Variants in GPBP1 observed in about 807,000 individuals in gnomAD.
The protein encoded by GPBP1 is GC-rich promoter binding protein 1.
In GPBP1, 13 loss-of-function variants were observed where a neutral mutation model predicts 56.5. The observed-to-expected ratio is 0.23, with a 90% CI of 0.15 to 0.37. The LOEUF (loss-of-function observed/expected upper bound fraction) is 0.37, where lower values mean the gene tolerates loss of function less well. Among genes scored for constraint, GPBP1 ranks in the 10% least tolerant of loss-of-function variants. The probability of loss-of-function intolerance (pLI) is 1.00; values close to 1 mark genes in which losing one functional copy is unlikely to be tolerated. For missense variants in GPBP1, 477 were observed against 572.3 expected (o/e 0.83, Z 1.70); for synonymous variants, 204 against 188.9 (o/e 1.08, Z -0.66).
Position 57,200,903 on chromosome 5 carries a change from T to C in GPBP1, c.-57-13171T>C, listed in dbSNP as rs113957188. ...CCGTGTTAGCCAGGATGGTCTTGAT[T>C]TGCTGACCTCGTGATTCGCCCACCT... On this transcript the variant is annotated intron_variant, in intron 2 of 11. Coordinates refer to ENST00000506184, the MANE Select transcript of GPBP1 (RefSeq NM_022913.4). Among the ~76,000 whole-genome samples, 1,328 of 151,198 alleles carry C rather than the reference T, an allele frequency of 8.8e-3. 23 individuals are homozygous for C. The highest frequency in any genetic ancestry group is 0.031 in the African/African-American group (1,272 of 41,174).
At chr5:57,198,492 G>A (rs1478231721) in intron 2 of GPBP1, among the ~76,000 whole-genome samples, 1 of 151,834 alleles carries the variant, frequency 6.6e-6, no homozygotes, top group Non-Finnish European at 1.5e-5. Context: ...TGTGTAAATC[G>A]AGTATTTTTA....
intron 2 of GPBP1, among the ~76,000 whole-genome samples, chr5:57,209,152 T>C (rs1755368423): frequency 6.6e-6 from 1 of 152,196 alleles, no homozygotes; most frequent in African/African-American, 2.4e-5. Flanking sequence ...ACAGCTGTTT[T>C]TGTGTGTTGA....
chr5:57,211,499 A>C (rs1183603019), intron 2 of GPBP1, among the ~76,000 whole-genome samples: 1 of 151,730 alleles, frequency 6.6e-6, no homozygotes, highest in East Asian at 1.9e-4. Context: ...ATACTTTAAG[A>C]ACTAGATTTA....
At position 57,177,948 on chromosome 5, in the gene GPBP1, T is replaced by C. The variant is rs563935097; in HGVS notation, c.-58+1548T>C. Reference sequence around the variant, plus strand: ...AGTGGTAGTAAATGTAAAATAGAGTTTTTTTTCTCTGAAATTGATATTAGA... The same window carrying C: ...AGTGGTAGTAAATGTAAAATAGAGTCTTTTTTCTCTGAAATTGATATTAGA... On this transcript the variant is annotated intron_variant, in intron 2 of 11. Coordinates refer to ENST00000506184, the MANE Select transcript of GPBP1 (RefSeq NM_022913.4). 3.8e-4 allele frequency among the ~76,000 whole-genome samples: 58 copies of C among 152,194 alleles called. 1 individual carries two copies. The highest frequency in any genetic ancestry group is 3.6e-3 in the Admixed American group (55 of 15,276).
chr5:57,247,126 C>G lies in GPBP1; in HGVS notation c.715C>G (p.Pro239Ala). ...TKENKVGTSF[P>A]HESTFGVGNF... is the part of the protein sequence containing the mutation. Reference sequence around the variant, plus strand: ...AGAAAATAAAGTTGGAACTTCTTTCCCTCATGAGTCCACATTTGGCGTTGG... The same window carrying G: ...AGAAAATAAAGTTGGAACTTCTTTCGCTCATGAGTCCACATTTGGCGTTGG... The change falls in exon 8 of 12, where the codon CCT becomes GCT. Residue 239 changes from proline (P) to alanine (A), a missense_variant. Pro to Ala is a conservative substitution (Grantham distance 27). Transcript: ENST00000506184. 6.2e-7 allele frequency: 1 copy of G among 1,613,546 alleles called. No individual in the cohort carries two copies. Among genetic ancestry groups the G allele is most frequent in the Non-Finnish European group, 8.5e-7 (1 of 1,179,672 alleles).
intron 2 of GPBP1, among the ~76,000 whole-genome samples, chr5:57,187,230 T>G (rs955900869): frequency 2.6e-5 from 4 of 152,210 alleles, no homozygotes; most frequent in African/African-American, 9.7e-5. Context: ...TAACGTCATC[T>G]TGAATTCGTA....
At chr5:57,206,553 G>C (rs948824867) in intron 2 of GPBP1, among the ~76,000 whole-genome samples, 1 of 151,920 alleles carries the variant, frequency 6.6e-6, no homozygotes, top group South Asian at 2.1e-4. Flanking sequence ...CACCTACAAC[G>C]ATGCCATGTT....
chr5:57,225,226 A>G (rs2111822954), intron 3 of GPBP1, among the ~76,000 whole-genome samples: 1 of 152,274 alleles, frequency 6.6e-6, no homozygotes, highest in East Asian at 1.9e-4. Context: ...TGGGAGGCCA[A>G]GGCGGGCGGA....
chr5:57,197,160 T>G (rs1377032684), intron 2 of GPBP1, among the ~76,000 whole-genome samples: 2 of 152,124 alleles, frequency 1.3e-5, no homozygotes, highest in Non-Finnish European at 2.9e-5. Context: ...GTGATCCTCC[T>G]GCCTGGCCAT....
Position 57,175,534 on chromosome 5 carries a change from A to T in GPBP1, c.-924A>T. ...TTTTAAGTGGCCATTTTGGATTTAC[A>T]GTGTTTTTGGATAATTTTGCCCCAG... is the stretch of plus-strand genomic sequence containing the variant. On this transcript the variant is annotated 5_prime_UTR_variant, in exon 2 of 12. Coordinates refer to ENST00000506184, the MANE Select transcript of GPBP1 (RefSeq NM_022913.4). 1 of 398,504 alleles carries T rather than the reference A, an allele frequency of 2.5e-6. No individual in the cohort carries two copies. Among genetic ancestry groups the T allele is most frequent in the Non-Finnish European group, 4.4e-6 (1 of 226,024 alleles). 24.7% of individuals were successfully genotyped at this position (398,504 alleles called of 1,614,324 possible). A position where few individuals can be genotyped will look rare whatever the true frequency, so the allele number is the denominator to read the frequency against.
chr5:57,253,650 TC>T (rs1741492137), intron 10 of GPBP1, among the ~76,000 whole-genome samples: 1 of 152,270 alleles, frequency 6.6e-6, no homozygotes, highest in Admixed American at 6.5e-5. Context: ...GCAGTATTTT[TC>T]TACCTGTTAT....
intron 1 of GPBP1, 73 bp downstream of exon 1, chr5:57,174,284 G>C (rs1753695495): frequency 6.5e-6 from 1 of 152,744 alleles, no homozygotes; most frequent in South Asian, 2.1e-4. Flanking sequence ...GTTGGGGTTT[G>C]AGGGGTCGGG....
rs932462516 is a variant in GPBP1, at chr5:57,263,028, G to A, written c.*276G>A. On this transcript the variant is annotated 3_prime_UTR_variant, in exon 12 of 12. Coordinates refer to ENST00000506184, the MANE Select transcript of GPBP1 (RefSeq NM_022913.4). ...ACATTTCTCTGACTAGCAATGTGACGATGTAACAAATGAGATTTTCTCATT... is the reference window on the plus strand; with the variant it reads ...ACATTTCTCTGACTAGCAATGTGACAATGTAACAAATGAGATTTTCTCATT... The A allele has an allele frequency of 1.5e-5, 4 of 267,458 alleles. No homozygotes were observed. The highest frequency in any genetic ancestry group is 2.1e-5 in the Non-Finnish European group (3 of 142,762). The allele number at this position is 267,458 out of a possible 1,614,324, so 16.6% of individuals were successfully genotyped here. A position where few individuals can be genotyped will look rare whatever the true frequency, so the allele number is the denominator to read the frequency against.
intron 3 of GPBP1, among the ~76,000 whole-genome samples, chr5:57,230,241 A>G (rs1306348840): frequency 6.6e-6 from 1 of 152,168 alleles, no homozygotes; most frequent in African/African-American, 2.4e-5. Flanking sequence ...CTAAAATTAA[A>G]TTCTTTAAAA....
At chr5:57,236,875 C>T (rs536024524) in intron 6 of GPBP1, among the ~76,000 whole-genome samples, 1 of 151,906 alleles carries the variant, frequency 6.6e-6, no homozygotes, top group East Asian at 1.9e-4. Flanking sequence ...AGGATTGTGG[C>T]TTTTGACAGC....
intron 6 of GPBP1, among the ~76,000 whole-genome samples, chr5:57,241,369 T>G (rs1580063123): frequency 1.3e-5 from 2 of 152,222 alleles, no homozygotes; most frequent in African/African-American, 4.8e-5. Context: ...AACTAATTCT[T>G]ACATTCATAG....
At position 57,237,127 on chromosome 5, in the gene GPBP1, A is replaced by G. The variant is rs372116041; in HGVS notation, c.478+1095A>G. 43 of 1,548,974 alleles carry G rather than the reference A, an allele frequency of 2.8e-5. No individual in the cohort carries two copies. The African/African-American group carries it at 4.4e-4, about 16-fold the overall frequency. On this transcript the variant is annotated intron_variant, in intron 6 of 11. Coordinates refer to ENST00000506184, the MANE Select transcript of GPBP1 (RefSeq NM_022913.4). Reference sequence around the variant, plus strand: ...ACTCTCCCCAGGCCTACACGCCCAGACACACACATACCCAACCAAAAAAAT... The same window carrying G: ...ACTCTCCCCAGGCCTACACGCCCAGGCACACACATACCCAACCAAAAAAAT...
chr5:57,195,568 C>T (rs1214329776), intron 2 of GPBP1, among the ~76,000 whole-genome samples: 1 of 152,062 alleles, frequency 6.6e-6, no homozygotes, highest in African/African-American at 2.4e-5. Context: ...AAACTGAATT[C>T]TGTACCATAA....
At chr5:57,219,081 A>G (rs937677990) in intron 3 of GPBP1, among the ~76,000 whole-genome samples, 1 of 152,126 alleles carries the variant, frequency 6.6e-6, no homozygotes, top group Non-Finnish European at 1.5e-5. Flanking sequence ...TAGACTGTAA[A>G]AAAGGGATTT....
Sources: gnomAD v4.1 joint callset for allele counts (sites outside exome capture counted in the v4.1 genomes callset) on GRCh38, gnomAD v4.1.1 for gene constraint, MANE v1.5 for transcripts, NCBI Gene and HGNC (gene_info 2026-07-23, HGNC 2026-07-21) for gene names.